The following ELP4 variants were observed in gnomAD, a reference collection of about 807,000 sequenced individuals.
ELP4 encodes elongator complex protein 4.
In ELP4, 51 loss-of-function variants were observed where a neutral mutation model predicts 48.9. The observed-to-expected ratio is 1.04, with a 90% CI of 0.83 to 1.32. ELP4 has a LOEUF of 1.32. Among genes scored for constraint, ELP4 ranks in the 40% most tolerant of loss-of-function variants. The probability of loss-of-function intolerance (pLI) is 0.00; values close to 1 mark genes in which losing one functional copy is unlikely to be tolerated. For synonymous variants in ELP4, 210 were observed against 189.2 expected (o/e 1.11, Z -0.90); for missense variants, 519 against 514.6 (o/e 1.01, Z -0.08).
intron 9 of ELP4, among the ~76,000 whole-genome samples, chr11:31,751,017 A>G (rs1445870557): frequency 6.6e-6 from 1 of 152,236 alleles, no homozygotes; most frequent in Non-Finnish European, 1.5e-5. Context: ...TTGCATATAG[A>G]CTATAAAATG....
intron 9 of ELP4, among the ~76,000 whole-genome samples, chr11:31,677,447 T>A (rs938734563): frequency 6.6e-6 from 1 of 152,232 alleles, no homozygotes; most frequent in East Asian, 1.9e-4. Flanking sequence ...AATTGAATTA[T>A]TTTGAAACTG....
At chr11:31,661,294 G>C (rs2134090516) in intron 9 of ELP4, among the ~76,000 whole-genome samples, 1 of 152,092 alleles carries the variant, frequency 6.6e-6, no homozygotes, top group South Asian at 2.1e-4. Context: ...AAAACCTGTA[G>C]GACTGATTGG....
intron 7 of ELP4, chr11:31,647,533 A>G (rs879884921): frequency 7.4e-6 from 3 of 407,012 alleles, no homozygotes; most frequent in Non-Finnish European, 1.3e-5. Flanking sequence ...TTCAAATTAG[A>G]ATAGCATGAC....
chr11:31,692,027 A>G lies in ELP4; in HGVS notation c.1143+41806A>G, dbSNP rs112663162. Among the ~76,000 whole-genome samples the G allele has an allele frequency of 9.0e-3, 1,367 of 152,304 alleles. 22 individuals carry two copies. The highest frequency in any genetic ancestry group is 0.031 in the African/African-American group (1,308 of 41,574). The stretch of plus-strand genomic sequence containing the variant: ...AACTAAGGATTTAAGCATTTTGTCT[A>G]TGCAACATAACAGTGAGATGAAAAG... On this transcript the variant is annotated intron_variant, in intron 9 of 9. Transcript: ENST00000640961.
At chr11:31,602,884 G>A (rs1408577589) in intron 4 of ELP4, among the ~76,000 whole-genome samples, 1 of 151,720 alleles carries the variant, frequency 6.6e-6, no homozygotes, top group East Asian at 1.9e-4. Context: ...ATTGCCAAGT[G>A]GAATTTGTTA....
intron 9 of ELP4, among the ~76,000 whole-genome samples, chr11:31,677,746 T>C (rs1306736409): frequency 3.9e-5 from 6 of 152,152 alleles, no homozygotes; most frequent in South Asian, 2.1e-4. Flanking sequence ...AAAGAAAATA[T>C]AGAGTTCTCA....
Position 31,730,335 on chromosome 11 carries a change from G to A in ELP4, c.1144-53058G>A, listed in dbSNP as rs372813771. Among the ~76,000 whole-genome samples the A allele has an allele frequency of 2.0e-5, 3 of 152,250 alleles. No homozygotes were observed. The East Asian group carries it at 5.8e-4, about 29-fold the overall frequency. ...CCTGTCTAGGTGTTCTCACATGGTG[G>A]AAGGAGCAGAAGAGCAAGAACACAC... On this transcript the variant is annotated intron_variant, in intron 9 of 9. Transcript: ENST00000640961.
At chr11:31,520,863 G>A (rs945517956) in intron 2 of ELP4, among the ~76,000 whole-genome samples, 3 of 151,910 alleles carry the variant, frequency 2.0e-5, no homozygotes, top group African/African-American at 7.3e-5. Flanking sequence ...TCACTGTTCT[G>A]ATTATTCTTT....
intron 9 of ELP4, among the ~76,000 whole-genome samples, chr11:31,743,952 A>G (rs571774153): frequency 4.2e-4 from 64 of 152,336 alleles, no homozygotes; most frequent in African/African-American, 1.4e-3. Flanking sequence ...TGAGTCCAGG[A>G]GCTGGTTTTT....
chr11:31,637,211 A>G (rs900240746), intron 7 of ELP4: 1 of 151,646 alleles, frequency 6.6e-6, no homozygotes, highest in Non-Finnish European at 1.5e-5. Flanking sequence ...CTCCATGTTA[A>G]TAGTTAATTG....
In ELP4 at chr11:31,693,094, A is replaced by G. The variant is rs532682731; in HGVS notation, c.1143+42873A>G. On this transcript the variant is annotated intron_variant, in intron 9 of 9. Coordinates refer to ENST00000640961, the MANE Select transcript of ELP4 (RefSeq NM_019040.5). ...TATTAGGGAAGGAAGCAAGGGACGT[A>G]GACTCTCCACTGCCCACCCAAAGGA... 1.4e-4 allele frequency among the ~76,000 whole-genome samples: 21 copies of G among 152,282 alleles called. No individual in the cohort carries two copies. The South Asian group carries it at 4.2e-3, about 30-fold the overall frequency.
intron 3 of ELP4, among the ~76,000 whole-genome samples, chr11:31,546,645 T>C (rs954498467): frequency 1.3e-5 from 2 of 152,072 alleles, no homozygotes; most frequent in Non-Finnish European, 2.9e-5. Flanking sequence ...CTAATAGACA[T>C]CTACAGAACT....
chr11:31,757,376 G>A (rs1222200816), intron 9 of ELP4, among the ~76,000 whole-genome samples: 1 of 151,782 alleles, frequency 6.6e-6, no homozygotes, highest in Non-Finnish European at 1.5e-5. Context: ...TCAGACTACA[G>A]ATTTTTTTTT....
chr11:31,678,048 A>G (rs1426615272), intron 9 of ELP4, among the ~76,000 whole-genome samples: 2 of 151,962 alleles, frequency 1.3e-5, no homozygotes, highest in African/African-American at 4.8e-5. Context: ...AATGTCTGAC[A>G]ACTATTGATC....
At chr11:31,743,191 A>C (rs1947497751) in intron 9 of ELP4, among the ~76,000 whole-genome samples, 1 of 152,346 alleles carries the variant, frequency 6.6e-6, no homozygotes. Flanking sequence ...CAACAAGAAG[A>C]GCTAACTATC....
intron 7 of ELP4, chr11:31,646,639 T>C (rs904314274): frequency 6.6e-6 from 1 of 151,772 alleles, no homozygotes; most frequent in Non-Finnish European, 1.5e-5. Context: ...ATAAATTTTC[T>C]TGACTGTTTT....
At chr11:31,613,646 C>T (rs1428109996) in intron 5 of ELP4, among the ~76,000 whole-genome samples, 5 of 151,086 alleles carry the variant, frequency 3.3e-5, no homozygotes, top group African/African-American at 4.9e-5. Flanking sequence ...TGGTGGATTC[C>T]GGATAAGTTT....
At chr11:31,624,989 G>A (rs541143143) in intron 5 of ELP4, among the ~76,000 whole-genome samples, 2 of 150,742 alleles carry the variant, frequency 1.3e-5, no homozygotes, top group East Asian at 2.0e-4. Context: ...ACCTCCTGAA[G>A]GACCTGGTCA....
chr11:31,659,605 G>C (rs1480689776), intron 9 of ELP4, among the ~76,000 whole-genome samples: 3 of 152,024 alleles, frequency 2.0e-5, no homozygotes, highest in Non-Finnish European at 4.4e-5. Context: ...TAAGGTATAG[G>C]ATTCTTCATT....
Sources: allele counts gnomAD v4.1 joint callset (sites outside exome capture counted in the v4.1 genomes callset), GRCh38; gene constraint gnomAD v4.1.1; transcripts MANE v1.5; gene names NCBI Gene and HGNC (gene_info 2026-07-23, HGNC 2026-07-21).